Variants in MYG1 observed in about 807,000 individuals in gnomAD.
MYG1 encodes the protein UPF0160 protein MYG1, mitochondrial.
A neutral mutation model predicts 43.5 loss-of-function variants in MYG1; 36 were observed. The observed-to-expected ratio is 0.83, with a 90% CI of 0.63 to 1.09. MYG1 has a LOEUF of 1.09. Ranked by LOEUF, MYG1 falls within the 50% of genes least tolerant of loss-of-function variation. The pLI, the probability that MYG1 is intolerant of heterozygous loss-of-function variation, is 0.00. For synonymous variants in MYG1, 220 were observed against 202.8 expected (o/e 1.08, Z -0.72); for missense variants, 529 against 495.1 (o/e 1.07, Z -0.65).
In MYG1 at chr12:53,305,965, G is replaced by A. The variant is rs779729576; in HGVS notation, c.547G>A (p.Ala183Thr). ...DAVDNGISQWAEGEPRYALTT... is the reference protein window; with the variant it reads ...DAVDNGISQWTEGEPRYALTT... Reference sequence around the variant, plus strand: ...TGTGGACAATGGGATCTCCCAGTGGGCAGAGGGGGAGCCTCGATATGCACT... The same window carrying A: ...TGTGGACAATGGGATCTCCCAGTGGACAGAGGGGGAGCCTCGATATGCACT... Residue 183 changes from alanine to threonine, a missense_variant, in exon 4 of 7, where the codon GCA (alanine) becomes ACA (threonine). Ala to Thr is a moderately conservative substitution (Grantham distance 58). Transcript: ENST00000267103. The A allele has an allele frequency of 1.9e-6, 3 of 1,613,930 alleles. No homozygotes were observed. Among genetic ancestry groups the A allele is most frequent in the Non-Finnish European group, 2.5e-6 (3 of 1,179,918 alleles).
intron 1 of MYG1, 22 bp from the exon 2 acceptor site, chr12:53,300,128 T>C (rs757389154): frequency 6.3e-7 from 1 of 1,578,350 alleles, no homozygotes; most frequent in Non-Finnish European, 8.6e-7. Context: ...CGGCAGCCCC[T>C]TCACCCCTGT....
rs147017503 is a variant in MYG1 at position 53,305,994 on chromosome 12, C to T, written c.576C>T (p.Thr192=). 9.3e-6 allele frequency: 15 copies of T among 1,613,974 alleles called. No individual in the cohort carries two copies. The highest frequency in any genetic ancestry group is 1.3e-5 in the African/African-American group (1 of 74,916). The change falls in exon 4 of 7, where the codon ACC becomes ACT. Residue 192 remains threonine (T), a synonymous_variant. Coordinates refer to ENST00000267103, the MANE Select transcript of MYG1 (RefSeq NM_021640.4). ...WAEGEPRYAL[T]TTLSARVARL... ...AGGGGGAGCCTCGATATGCACTGAC[C>T]ACTACCCTGAGTGCACGAGTTGCTC...
In MYG1 at chr12:53,299,904, G is replaced by A. The variant is rs777161707; in HGVS notation, c.167G>A (p.Cys56Tyr). ...GGGACGCACAATGGCACCTTCCACT[G>A]CGACGAGGCACTGGCATGCGCACTG... ...RIGTHNGTFHCDEALACALLR... is the reference protein window; with the variant it reads ...RIGTHNGTFHYDEALACALLR... The change falls in exon 1 of 7, where the codon TGC becomes TAC. Residue 56 changes from cysteine (C) to tyrosine (Y), a missense_variant. Cys to Tyr is a radical substitution (Grantham distance 194, BLOSUM62 -2). Coordinates refer to ENST00000267103, the MANE Select transcript of MYG1 (RefSeq NM_021640.4). 1.9e-6 allele frequency: 3 copies of A among 1,614,182 alleles called. No homozygotes were observed. Among genetic ancestry groups the A allele is most frequent in the Non-Finnish European group, 2.5e-6 (3 of 1,180,032 alleles).
At chr12:53,306,126 T>C in intron 4 of MYG1, 66 bp downstream of exon 4, 1 of 1,608,924 alleles carries the variant, frequency 6.2e-7, no homozygotes, top group Non-Finnish European at 8.5e-7. Context: ...AATGGGAGCA[T>C]TTGCTCCTCC....
rs1467199599 is a variant in MYG1 at position 53,300,188 on chromosome 12, C to T, written c.255C>T (p.Leu85=). ...EIVRTRDPEK[L]ASCDIVVDVG... is the part of the protein sequence containing the mutation. ...TGCGGACCCGGGATCCCGAAAAACT[C>T]GCTTCCTGTGACATCGTGGTGGACG... The change falls in exon 2 of 7, where the codon CTC becomes CTT. Residue 85 remains leucine, a synonymous_variant. Coordinates refer to ENST00000267103, the MANE Select transcript of MYG1 (RefSeq NM_021640.4). 16 of 1,606,906 alleles carry T rather than the reference C, an allele frequency of 1.0e-5. No individual in the cohort carries two copies. The highest frequency in any genetic ancestry group is 1.3e-5 in the Non-Finnish European group (15 of 1,175,962).
At position 53,299,815 on chromosome 12, in the gene MYG1, C is replaced by G. The variant is rs372425464; in HGVS notation, c.78C>G (p.Leu26=). 8 of 1,614,054 alleles carry G rather than the reference C, an allele frequency of 5.0e-6. No individual in the cohort carries two copies. In the African/African-American group the frequency reaches 9.3e-5, roughly 19 times the overall value. ...CCCTGTATACCCGGCACCGCATGCTCGGTCCAGAGTCCGTCCCGCCCCCAA... is the reference window on the plus strand; with the variant it reads ...CCCTGTATACCCGGCACCGCATGCTGGGTCCAGAGTCCGTCCCGCCCCCAA... The part of the protein sequence containing the change: ...PPPLYTRHRM[L]GPESVPPPKR... The change falls in exon 1 of 7, where the codon CTC becomes CTG. Residue 26 remains leucine (L), a synonymous_variant. Coordinates refer to ENST00000267103, the MANE Select transcript of MYG1 (RefSeq NM_021640.4).
chr12:53,304,526 G>C (rs554381985), intron 3 of MYG1, among the ~76,000 whole-genome samples: 1 of 151,272 alleles, frequency 6.6e-6, no homozygotes, highest in Non-Finnish European at 1.5e-5. Context: ...CTCAAGTAAC[G>C]CACCCACCTT....
Position 53,304,032 on chromosome 12 carries a change from G to A in MYG1, c.489+839G>A, listed in dbSNP as rs551899534. 1.3e-4 allele frequency among the ~76,000 whole-genome samples: 20 copies of A among 151,942 alleles called. No individual in the cohort carries two copies. In the East Asian group the frequency reaches 3.7e-3, roughly 28 times the overall value. On this transcript the variant is annotated intron_variant, in intron 3 of 6. Transcript: ENST00000267103. ...CTAATTTTTTGTATTTTTAGTAGAG[G>A]TGGGGTTTCACCGTGTTAGCCAGGA...
chr12:53,303,054 G>A lies in MYG1; in HGVS notation c.350G>A (p.Ser117Asn). The A allele has an allele frequency of 6.2e-7, 1 of 1,612,954 alleles. No individual in the cohort carries two copies. The change falls in exon 3 of 7, where the codon AGC becomes AAC. Residue 117 changes from serine to asparagine, a missense_variant. Transcript: ENST00000267103. ...HHQRSFTETM[S>N]SLSPGKPWQT... ...CTCAGGTCTTTCACAGAGACCATGAGCTCCCTGTCCCCTGGGAAGCCGTGG... is the reference window on the plus strand; with the variant it reads ...CTCAGGTCTTTCACAGAGACCATGAACTCCCTGTCCCCTGGGAAGCCGTGG...
chr12:53,300,804 T>C (rs939556010), intron 2 of MYG1, among the ~76,000 whole-genome samples: 1 of 152,188 alleles, frequency 6.6e-6, no homozygotes, highest in African/African-American at 2.4e-5. Context: ...GTCTCCCACC[T>C]CAAACATCCT....
rs1565774846 is a variant in MYG1, at chr12:53,306,611, T to C, written c.766-69T>C. ...CTCCCACCTCAGCCTCCCAAAATGT[T>C]GTGACTACAAACATGATCACCATGC... On this transcript the variant is annotated intron_variant, in intron 5 of 6. Transcript: ENST00000267103. 7 of 1,511,010 alleles carry C rather than the reference T, an allele frequency of 4.6e-6. No individual in the cohort carries two copies. The East Asian group carries it at 1.1e-4, about 24-fold the overall frequency. The allele number at this position is 1,511,010 out of a possible 1,614,324, so 93.6% of individuals were successfully genotyped here.
In MYG1 at chr12:53,306,740, C is replaced by T. The variant is rs1327309682; in HGVS notation, c.826C>T (p.Leu276Phe). 2.5e-6 allele frequency: 4 copies of T among 1,614,092 alleles called. No homozygotes were observed. The highest frequency in any genetic ancestry group is 2.5e-6 in the Non-Finnish European group (3 of 1,180,046). ...AGGTGCATGTCCCTGGAAGGAGCAT[C>T]TCTACCACCTGGAATCTGGGCTGTC... The part of the protein sequence containing the change: ...AKGACPWKEH[L>F]YHLESGLSPP... Residue 276 changes from leucine to phenylalanine, a missense_variant, in exon 6 of 7, where the codon CTC becomes TTC. Coordinates refer to ENST00000267103, the MANE Select transcript of MYG1 (RefSeq NM_021640.4).
Position 53,306,235 on chromosome 12 carries a change from A to T in MYG1, c.680A>T (p.Glu227Val). ...CGTGCAATGGATCTGGTTCAAGAGG[A>T]GTTTCTGCAGAGATTAGATTTCTAC... ...FKRAMDLVQE[E>V]FLQRLDFYQH... Residue 227 changes from glutamate (E) to valine (V), a missense_variant, in exon 5 of 7, where the codon GAG (glutamate) becomes GTG (valine). Coordinates refer to ENST00000267103, the MANE Select transcript of MYG1 (RefSeq NM_021640.4). The T allele has an allele frequency of 6.2e-7, 1 of 1,614,204 alleles. No individual in the cohort carries two copies. The highest frequency in any genetic ancestry group is 8.5e-7 in the Non-Finnish European group (1 of 1,180,036).
At chr12:53,300,849 C>T (rs895366636) in intron 2 of MYG1, among the ~76,000 whole-genome samples, 6 of 152,144 alleles carry the variant, frequency 3.9e-5, no homozygotes, top group Non-Finnish European at 7.3e-5. Context: ...AAATTTCTTC[C>T]CTTCTATTGG....
At position 53,300,257 on chromosome 12, in the gene MYG1, C is replaced by A; in HGVS notation, c.324C>A (p.His108Gln). 6.4e-7 allele frequency: 1 copy of A among 1,566,428 alleles called. No individual in the cohort carries two copies. ...YDPRRHRYDH[H>Q]QRSFTETMSS... ...CTCGGAGACACCGATATGACCATCACCAGAGGTAGGTTCTCAGATACCATT... is the reference window on the plus strand; with the variant it reads ...CTCGGAGACACCGATATGACCATCAACAGAGGTAGGTTCTCAGATACCATT... Residue 108 changes from histidine to glutamine, a missense_variant, in exon 2 of 7, where the codon CAC (histidine) becomes CAA (glutamine). By Grantham distance (24) the His-to-Gln change is conservative. Coordinates refer to ENST00000267103, the MANE Select transcript of MYG1 (RefSeq NM_021640.4).
chr12:53,307,060 T>A lies in MYG1; in HGVS notation c.1042T>A (p.Phe348Ile). 2 of 1,614,210 alleles carry A rather than the reference T, an allele frequency of 1.2e-6. No homozygotes were observed. Among genetic ancestry groups the A allele is most frequent in the Non-Finnish European group, 8.5e-7 (1 of 1,180,044 alleles). ...CTGCATCTTCGTCCATGCAAGCGGCTTCACTGGCGGTCACCACACCCGAGA... is the reference window on the plus strand; with the variant it reads ...CTGCATCTTCGTCCATGCAAGCGGCATCACTGGCGGTCACCACACCCGAGA... ...PGCIFVHASG[F>I]TGGHHTREGA... Residue 348 changes from phenylalanine (F) to isoleucine (I), a missense_variant, in exon 7 of 7, where the codon TTC becomes ATC. Transcript: ENST00000267103.
Position 53,307,135 on chromosome 12 carries a change from C to A in MYG1, c.1117C>A (p.Pro373Thr). The change falls in exon 7 of 7, where the codon CCA (proline) becomes ACA (threonine). Residue 373 changes from proline (P) to threonine (T), a missense_variant. Physicochemically the swap from Pro to Thr is conservative, Grantham distance 38. Transcript: ENST00000267103. ...CACCTTGGCCCAGCGCTCATACCTC[C>A]CACAAATCTCCTAGTCTAATAAAAC... ...RATLAQRSYLPQIS is the reference protein window; with the variant it reads ...RATLAQRSYLTQIS 6.2e-7 allele frequency: 1 copy of A among 1,610,076 alleles called. No homozygotes were observed. Among genetic ancestry groups the A allele is most frequent in the Non-Finnish European group, 8.5e-7 (1 of 1,177,884 alleles).
rs1015840185 is a variant in MYG1 at position 53,299,888 on chromosome 12, A to G, written c.151A>G (p.Asn51Asp). 2 of 1,614,040 alleles carry G rather than the reference A, an allele frequency of 1.2e-6. No homozygotes were observed. Among genetic ancestry groups the G allele is most frequent in the African/African-American group, 1.3e-5 (1 of 74,914 alleles). ...GGCACCGCCCCGAATCGGGACGCAC[A>G]ATGGCACCTTCCACTGCGACGAGGC... ...LMAPPRIGTH[N>D]GTFHCDEALA... The change falls in exon 1 of 7, where the codon AAT becomes GAT. Residue 51 changes from asparagine to aspartate, a missense_variant. Transcript: ENST00000267103.
rs770683112 is a variant in MYG1 at position 53,299,838 on chromosome 12, C to G, written c.101C>G (p.Pro34Arg). ...CTCGGTCCAGAGTCCGTCCCGCCCC[C>G]AAAACGATCCCGCAGCAAACTCATG... The part of the protein sequence containing the change: ...RMLGPESVPP[P>R]KRSRSKLMAP... The change falls in exon 1 of 7, where the codon CCA becomes CGA. Residue 34 changes from proline to arginine, a missense_variant. Pro to Arg is a moderately radical substitution (Grantham distance 103). Transcript: ENST00000267103. The G allele has an allele frequency of 6.2e-7, 1 of 1,614,222 alleles. No individual in the cohort carries two copies. Among genetic ancestry groups the G allele is most frequent in the Non-Finnish European group, 8.5e-7 (1 of 1,180,028 alleles).
Sources: gnomAD v4.1 joint callset for allele counts (sites outside exome capture counted in the v4.1 genomes callset) on GRCh38, gnomAD v4.1.1 for gene constraint, MANE v1.5 for transcripts, NCBI Gene and HGNC (gene_info 2026-07-23, HGNC 2026-07-21) for gene names.